The following GALNT12 variants were observed in gnomAD, a reference collection of about 807,000 sequenced individuals.
GALNT12 encodes the protein polypeptide N-acetylgalactosaminyltransferase 12, also known as UDP-GalNAc:polypeptide N-acetylgalactosaminyltransferase 12.
A neutral mutation model predicts 55.5 loss-of-function variants in GALNT12; 45 were observed. The ratio of observed to expected loss-of-function variants is 0.81; its 90% CI spans 0.64 to 1.04. The LOEUF (loss-of-function observed/expected upper bound fraction) is 1.04. GALNT12 is among the 50% of genes least tolerant of loss of function. The probability of loss-of-function intolerance (pLI) is 0.00; values close to 1 mark genes in which losing one functional copy is unlikely to be tolerated. For synonymous variants in GALNT12, 304 were observed against 312.2 expected (o/e 0.97, Z 0.28); for missense variants, 709 against 754.8 (o/e 0.94, Z 0.71).
chr9:98,836,875 C>T, intron 5 of GALNT12, 97 bp from the exon 6 acceptor site: 1 of 1,297,036 alleles, frequency 7.7e-7, no homozygotes, highest in African/African-American at 1.4e-5. Flanking sequence ...CAGTGTCCAT[C>T]ATGCCTTGCG....
intron 3 of GALNT12, among the ~76,000 whole-genome samples, chr9:98,830,285 C>T (rs1301773571): frequency 6.6e-6 from 1 of 152,172 alleles, no homozygotes; most frequent in Non-Finnish European, 1.5e-5. Context: ...GGAGTGGTAA[C>T]CCTTTCCATC....
Position 98,807,750 on chromosome 9 carries a change from C to A in GALNT12, c.52C>A (p.Arg18=). The A allele has an allele frequency of 1.7e-6, 2 of 1,185,250 alleles. No homozygotes were observed. Among genetic ancestry groups the A allele is most frequent in the East Asian group, 4.9e-5 (1 of 20,208 alleles). 73.4% of individuals were successfully genotyped at this position (1,185,250 alleles called of 1,614,324 possible). A position where few individuals can be genotyped will look rare whatever the true frequency, so the allele number is the denominator to read the frequency against. The change falls in exon 1 of 10, where the codon CGG becomes AGG. Residue 18 remains arginine (R), a synonymous_variant. Transcript: ENST00000375011. Reference sequence around the variant, plus strand: ...CTGCCCGCGGGAACTGCGGCGCGGCCGGGAGGCGCTGTTGGTGCTCCTGGC... The same window carrying A: ...CTGCCCGCGGGAACTGCGGCGCGGCAGGGAGGCGCTGTTGGTGCTCCTGGC... ...RRCPRELRRG[R]EALLVLLALL... is the part of the protein sequence containing the mutation.
rs1237226126 is a variant in GALNT12 at position 98,826,866 on chromosome 9, C to T, written c.656C>T (p.Ala219Val). Residue 219 changes from alanine to valine, a missense_variant, in exon 3 of 10, where the codon GCG becomes GTG. By Grantham distance (64) the Ala-to-Val change is moderately conservative. Around this residue, in one of 5 missense-constraint regions of GALNT12, gnomAD observed 315 missense variants for 288.6 expected, o/e 1.09. Coordinates refer to ENST00000375011, the MANE Select transcript of GALNT12 (RefSeq NM_024642.5). ...GCCCGGCTGCTGGGGGCGTCTGCGG[C>T]GAGGGGCGATGTTCTGACCTTCCTG... ...VRARLLGASAARGDVLTFLDC... is the reference protein window; with the variant it reads ...VRARLLGASAVRGDVLTFLDC... The T allele has an allele frequency of 1.9e-6, 3 of 1,601,182 alleles. No individual in the cohort carries two copies. Among genetic ancestry groups the T allele is most frequent in the East Asian group, 2.3e-5 (1 of 44,390 alleles).
chr9:98,813,169 T>G (rs1835529406), intron 1 of GALNT12, among the ~76,000 whole-genome samples: 1 of 152,242 alleles, frequency 6.6e-6, no homozygotes, highest in Admixed American at 6.5e-5. Context: ...GTCCTCAGTT[T>G]TCTTTATCTG....
chr9:98,847,003 T>C (rs550003914), intron 9 of GALNT12, among the ~76,000 whole-genome samples: 41 of 152,294 alleles, frequency 2.7e-4, no homozygotes, highest in African/African-American at 9.9e-4. Flanking sequence ...ACACCTCTGA[T>C]AGAGTAGTCT....
intron 9 of GALNT12, 128 bp from the exon 10 acceptor site, chr9:98,848,824 G>A (rs368021940): frequency 1.3e-5 from 14 of 1,097,678 alleles, no homozygotes; most frequent in East Asian, 5.1e-5. Context: ...TGCGTTACAC[G>A]GAAGACACTT....
chr9:98,847,346 T>TG lies in GALNT12; in HGVS notation c.1605+1225dup, dbSNP rs955854455. ...GGCTGCCCAGAAAAGCCACACACCA[T>TG]GGTGTTACCTATTGAATACAGGAAA... On this transcript the variant is annotated intron_variant, in intron 9 of 9. Coordinates refer to ENST00000375011, the MANE Select transcript of GALNT12 (RefSeq NM_024642.5). 11 of 152,268 alleles carry TG rather than the reference T, an allele frequency of 7.2e-5. No homozygotes were observed. In the East Asian group the frequency reaches 1.2e-3, roughly 16 times the overall value. 9.4% of individuals were successfully genotyped at this position (152,268 alleles called of 1,614,324 possible).
At chr9:98,822,021 AG>A (rs770561454) in intron 1 of GALNT12, among the ~76,000 whole-genome samples, 9 of 152,222 alleles carry the variant, frequency 5.9e-5, no homozygotes, top group Non-Finnish European at 1.2e-4. Context: ...TGACTGATAA[AG>A]GGCCCAGTAG....
Position 98,846,099 on chromosome 9 carries a change from G to A in GALNT12, c.1581G>A (p.Glu527=), listed in dbSNP as rs1423291369. Residue 527 remains glutamate, a synonymous_variant, in exon 9 of 10, where the codon GAG becomes GAA. Transcript: ENST00000375011. The part of the protein sequence containing the change: ...IMHLCEETAP[E]NQKFILQEDG... ...ATCTCTGCGAAGAAACTGCCCCAGA[G>A]AATCAGAAGTTCATCTTGCAGGAGG... The A allele has an allele frequency of 6.8e-6, 11 of 1,614,104 alleles. No homozygotes were observed. Among genetic ancestry groups the A allele is most frequent in the Admixed American group, 5.0e-5 (3 of 60,004 alleles).
intron 4 of GALNT12, 78 bp downstream of exon 4, chr9:98,832,035 C>T (rs751174328): frequency 1.2e-5 from 15 of 1,265,722 alleles, no homozygotes; most frequent in South Asian, 5.1e-5. Context: ...CGGAGGCCCT[C>T]GGGAGGAATG....
chr9:98,820,687 A>G (rs899157561), intron 1 of GALNT12, among the ~76,000 whole-genome samples: 3 of 152,194 alleles, frequency 2.0e-5, no homozygotes, highest in African/African-American at 7.2e-5. Context: ...CTTTTCCACA[A>G]TGATTGAACT....
chr9:98,819,313 G>A (rs1261915320), intron 1 of GALNT12, among the ~76,000 whole-genome samples: 2 of 152,188 alleles, frequency 1.3e-5, no homozygotes, highest in Non-Finnish European at 2.9e-5. Context: ...CTTCCACGGG[G>A]TCAGTGCTAA....
rs367609262 is a variant in GALNT12 at position 98,817,682 on chromosome 9, T to A, written c.372-5574T>A. On this transcript the variant is annotated intron_variant, in intron 1 of 9. Transcript: ENST00000375011. ...TTTCACTATGTTGGTCAGGCTGGTC[T>A]AGAACTCCTGACCTTGTGATCCACC... is the stretch of plus-strand genomic sequence containing the variant. Among the ~76,000 whole-genome samples the A allele has an allele frequency of 2.6e-4, 39 of 152,244 alleles. 1 individual carries two copies. In the South Asian group the frequency reaches 7.9e-3, roughly 31 times the overall value.
intron 3 of GALNT12, among the ~76,000 whole-genome samples, chr9:98,831,284 G>T (rs546676235): frequency 6.6e-6 from 1 of 152,342 alleles, no homozygotes; most frequent in South Asian, 2.1e-4. Context: ...TATAATTCCA[G>T]TGTTACCACT....
At position 98,831,816 on chromosome 9, in the gene GALNT12, T is replaced by G. The variant is rs147356342; in HGVS notation, c.776T>G (p.Val259Gly). 19 of 1,614,220 alleles carry G rather than the reference T, an allele frequency of 1.2e-5. No individual in the cohort carries two copies. The highest frequency in any genetic ancestry group is 1.6e-5 in the Non-Finnish European group (19 of 1,180,050). ...GCAGTGGTGTGCCCGGTGATTGATG[T>G]GATCGACTGGAACACCTTCGAATAC... Reference protein sequence around the residue: ...ESAVVCPVIDVIDWNTFEYLG... With the variant: ...ESAVVCPVIDGIDWNTFEYLG... Residue 259 changes from valine (V) to glycine (G), a missense_variant, in exon 4 of 10, where the codon GTG becomes GGG. Transcript: ENST00000375011.
chr9:98,820,093 T>C lies in GALNT12; in HGVS notation c.372-3163T>C, dbSNP rs542421452. ...ATGCCAGGTAGCACTTGTCTTTTTT[T>C]CCCCCCAGGTTTTAAGTTTATAGGT... On this transcript the variant is annotated intron_variant, in intron 1 of 9. Coordinates refer to ENST00000375011, the MANE Select transcript of GALNT12 (RefSeq NM_024642.5). Among the ~76,000 whole-genome samples the C allele has an allele frequency of 6.6e-5, 10 of 152,298 alleles. No homozygotes were observed. In the East Asian group the frequency reaches 1.5e-3, roughly 24 times the overall value.
In GALNT12 at chr9:98,835,275, T is replaced by G; in HGVS notation, c.944T>G (p.Phe315Cys). 6.2e-7 allele frequency: 1 copy of G among 1,613,968 alleles called. No homozygotes were observed. The highest frequency in any genetic ancestry group is 1.1e-5 in the South Asian group (1 of 91,082). The change falls in exon 5 of 10, where the codon TTT becomes TGT. Residue 315 changes from phenylalanine to cysteine, a missense_variant. Coordinates refer to ENST00000375011, the MANE Select transcript of GALNT12 (RefSeq NM_024642.5). ...TCTCCAACAATGGCTGGTGGGCTGT[T>G]TGCTGTGAGTAAGAAATATTTTGAA... ...IRSPTMAGGL[F>C]AVSKKYFEYL...
intron 1 of GALNT12, among the ~76,000 whole-genome samples, chr9:98,815,187 G>A (rs962144536): frequency 1.3e-5 from 2 of 152,270 alleles, no homozygotes; most frequent in East Asian, 3.9e-4. Flanking sequence ...ATATACAGAC[G>A]ATCTCCGATT....
intron 8 of GALNT12, among the ~76,000 whole-genome samples, chr9:98,845,253 G>A (rs1418501777): frequency 2.0e-5 from 3 of 152,130 alleles, no homozygotes; most frequent in Non-Finnish European, 4.4e-5. Flanking sequence ...AGATAATGGT[G>A]TGACAAGCCC....
Sources: allele counts gnomAD v4.1 joint callset (sites outside exome capture counted in the v4.1 genomes callset), GRCh38; gene constraint gnomAD v4.1.1; regional missense constraint gnomAD v4.1.1; transcripts MANE v1.5; gene names NCBI Gene and HGNC (gene_info 2026-07-23, HGNC 2026-07-21).